The following FGF14 variants were observed in gnomAD, a reference collection of about 807,000 sequenced individuals.
The protein encoded by FGF14 is fibroblast growth factor homologous factor 4.
A neutral mutation model predicts 25.5 loss-of-function variants in FGF14; 5 were observed. That is an observed-to-expected ratio of 0.20 (90% CI 0.10 to 0.41). The LOEUF (loss-of-function observed/expected upper bound fraction) is 0.41. Among genes scored for constraint, FGF14 ranks in the 10% least tolerant of loss-of-function variants. The pLI is 1.00. For synonymous variants in FGF14, 138 were observed against 118.3 expected (o/e 1.17, Z -1.08); for missense variants, 222 against 320.1 (o/e 0.69, Z 2.34).
At chr13:101,802,760 G>T (rs1461733941) in intron 3 of FGF14, among the ~76,000 whole-genome samples, 2 of 152,208 alleles carry the variant, frequency 1.3e-5, no homozygotes, top group African/African-American at 2.4e-5. Flanking sequence ...GCATTTAAAA[G>T]ATGTTTCTGG....
chr13:102,217,999 T>C (rs942030256), intron 1 of FGF14, among the ~76,000 whole-genome samples: 1 of 152,210 alleles, frequency 6.6e-6, no homozygotes, highest in Admixed American at 6.5e-5. Flanking sequence ...TTAAATTGTT[T>C]AGAAAATTCC....
rs182323731 is a variant in FGF14 at position 102,131,870 on chromosome 13, G to A, written c.209-256574C>T. Among the ~76,000 whole-genome samples, 6 of 152,258 alleles carry A rather than the reference G, an allele frequency of 3.9e-5. No homozygotes were observed. In the East Asian group the frequency reaches 7.7e-4, roughly 20 times the overall value. ...CAACAGTAAGAAATGATCAAATAAC[G>A]TGAGATTCATCGAAATAGCAGAAAT... On this transcript the variant is annotated intron_variant, in intron 1 of 4. Transcript: ENST00000376131.
intron 3 of FGF14, among the ~76,000 whole-genome samples, chr13:101,854,875 G>C (rs1015543909): frequency 6.6e-6 from 1 of 151,972 alleles, no homozygotes; most frequent in African/African-American, 2.4e-5. Context: ...CCTAAGGATG[G>C]ATTTTATTTT....
Position 101,832,858 on chromosome 13 carries a change from A to C in FGF14, c.408+35867T>G, listed in dbSNP as rs117205863. Among the ~76,000 whole-genome samples, 810 of 152,194 alleles carry C rather than the reference A, an allele frequency of 5.3e-3. 6 individuals carry two copies. Among genetic ancestry groups the C allele is most frequent in the Middle Eastern group, 0.017 (5 of 294 alleles). On this transcript the variant is annotated intron_variant, in intron 3 of 4. Coordinates refer to ENST00000376143, the MANE Select transcript of FGF14 (RefSeq NM_004115.4). ...TCACAAAATTAAGATAAAAAGAAGC[A>C]ATTGAGTTATTCATGAAAGAGTTTG...
At chr13:101,747,277 A>C (rs1284741778) in intron 3 of FGF14, among the ~76,000 whole-genome samples, 1 of 152,088 alleles carries the variant, frequency 6.6e-6, no homozygotes, top group Non-Finnish European at 1.5e-5. Flanking sequence ...TTCATCCAGC[A>C]AACAAGTATT....
In FGF14 at chr13:102,258,955, T is replaced by C. The variant is rs117773447; in HGVS notation, c.208+142516A>G. ...TTATGCCTCCCAGGAAGTTAATAGA[T>C]AGATAGTTTTACCTGTATGTGTATT... On this transcript the variant is annotated intron_variant, in intron 1 of 4. Transcript: ENST00000376131. Among the ~76,000 whole-genome samples, 86 of 152,302 alleles carry C rather than the reference T, an allele frequency of 5.6e-4. 7 individuals carry two copies. The East Asian group carries it at 0.016, about 29-fold the overall frequency.
At chr13:102,163,796 A>G (rs891316909) in intron 1 of FGF14, among the ~76,000 whole-genome samples, 1 of 152,026 alleles carries the variant, frequency 6.6e-6, no homozygotes, top group African/African-American at 2.4e-5. Context: ...GAAGTCTCTG[A>G]AGGCTTTAGT....
intron 3 of FGF14, among the ~76,000 whole-genome samples, chr13:101,768,189 CA>C (rs200094201): frequency 2.8e-4 from 41 of 147,918 alleles, no homozygotes; most frequent in Admixed American, 1.9e-3. Context: ...CTGAATCAAG[CA>C]AAAAAAAAGC....
intron 3 of FGF14, among the ~76,000 whole-genome samples, chr13:101,756,088 C>A (rs185190686): frequency 2.5e-3 from 375 of 152,274 alleles, no homozygotes; most frequent in South Asian, 0.013. Flanking sequence ...GCTGAATTTT[C>A]TTGGAAGAAA....
intron 1 of FGF14, among the ~76,000 whole-genome samples, chr13:102,064,231 C>A (rs1462190773): frequency 3.9e-5 from 6 of 151,906 alleles, no homozygotes; most frequent in Non-Finnish European, 8.8e-5. Context: ...CAGTTTTATG[C>A]CTGCTGGTAC....
chr13:101,920,237 A>G (rs767764740), upstream of FGF14, among the ~76,000 whole-genome samples: 2 of 152,230 alleles, frequency 1.3e-5, no homozygotes, highest in Non-Finnish European at 2.9e-5. Flanking sequence ...GTCACTCATC[A>G]GAACCTCCTT....
At chr13:101,860,310 G>A (rs1420773033) in intron 3 of FGF14, among the ~76,000 whole-genome samples, 2 of 151,974 alleles carry the variant, frequency 1.3e-5, no homozygotes, top group Admixed American at 1.3e-4. Context: ...TAAGAGGAGT[G>A]ACCACAACCA....
At chr13:101,738,938 T>A (rs2036357329) in intron 3 of FGF14, among the ~76,000 whole-genome samples, 1 of 93,824 alleles carries the variant, frequency 1.1e-5, no homozygotes, top group Admixed American at 1.3e-4. Context: ...TATATGTATA[T>A]ATTGTATGTG....
intron 1 of FGF14, among the ~76,000 whole-genome samples, chr13:102,021,061 A>G (rs2040622722): frequency 6.6e-6 from 1 of 151,958 alleles, no homozygotes. Context: ...AGCTAGGGGT[A>G]TGACTACTGG....
At chr13:101,984,329 C>A (rs556009966) in intron 1 of FGF14, among the ~76,000 whole-genome samples, 2 of 151,878 alleles carry the variant, frequency 1.3e-5, no homozygotes, top group Admixed American at 1.3e-4. Flanking sequence ...TTCTAAGAAC[C>A]GTTTATTAAT....
intron 1 of FGF14, among the ~76,000 whole-genome samples, chr13:102,329,787 T>C (rs944007396): frequency 1.3e-5 from 2 of 152,098 alleles, no homozygotes; most frequent in East Asian, 3.9e-4. Flanking sequence ...ATCTTAACCC[T>C]ACCATGTTGT....
At chr13:102,365,489 A>G (rs1261129530) in intron 1 of FGF14, among the ~76,000 whole-genome samples, 1 of 152,228 alleles carries the variant, frequency 6.6e-6, no homozygotes, top group Non-Finnish European at 1.5e-5. Flanking sequence ...TTCTACTCAT[A>G]AAAATTATTA....
intron 1 of FGF14, among the ~76,000 whole-genome samples, chr13:102,399,837 C>T (rs1024677515): frequency 6.6e-6 from 1 of 151,992 alleles, no homozygotes; most frequent in Non-Finnish European, 1.5e-5. Flanking sequence ...CAGGGCAGAG[C>T]CCAGAGCCCA....
chr13:101,763,641 CT>C (rs2139921907), intron 3 of FGF14, among the ~76,000 whole-genome samples: 1 of 152,194 alleles, frequency 6.6e-6, no homozygotes, highest in African/African-American at 2.4e-5. Flanking sequence ...GGTGGATCAC[CT>C]GAGAGTAAGG....
Sources: gnomAD v4.1 joint callset for allele counts (sites outside exome capture counted in the v4.1 genomes callset) on GRCh38, gnomAD v4.1.1 for gene constraint, MANE v1.5 for transcripts, NCBI Gene and HGNC (gene_info 2026-07-23, HGNC 2026-07-21) for gene names.